PTCSC3: variants seen among roughly 807,000 people sequenced by gnomAD.
The protein encoded by PTCSC3 is papillary thyroid carcinoma susceptibility candidate 3, also known as papillary thyroid carcinoma susceptibility candidate 3 (non-protein coding).
At chr14:36,136,469 T>C (rs1881289836) in intron 3 of PTCSC3, 1 of 152,170 alleles carries the variant, frequency 6.6e-6, no homozygotes, top group Non-Finnish European at 1.5e-5. Flanking sequence ...TATCTAGGAT[T>C]AATAAGAGGT....
chr14:36,161,552 G>C (rs1043590500), intron 2 of PTCSC3, among the ~76,000 whole-genome samples: 2 of 152,152 alleles, frequency 1.3e-5, no homozygotes, highest in African/African-American at 2.4e-5. Context: ...TCCAGTAGAG[G>C]CTACAGAACA....
chr14:36,169,952 A>T (rs1882163394), intron 1 of PTCSC3, among the ~76,000 whole-genome samples: 1 of 152,178 alleles, frequency 6.6e-6, no homozygotes, highest in African/African-American at 2.4e-5. Context: ...TAATAGAGAC[A>T]TGCAAAAAAT....
intron 3 of PTCSC3, among the ~76,000 whole-genome samples, chr14:36,139,253 T>C (rs1881366393): frequency 6.6e-6 from 1 of 151,946 alleles, no homozygotes; most frequent in Admixed American, 6.6e-5. Context: ...CCATGCAATG[T>C]AATACTGAGC....
chr14:36,137,265 AACG>A (rs1342513463), intron 3 of PTCSC3, among the ~76,000 whole-genome samples: 1 of 152,112 alleles, frequency 6.6e-6, no homozygotes, highest in African/African-American at 2.4e-5. Flanking sequence ...TAGGTACAAC[AACG>A]AGGCCAGTGT....
intron 3 of PTCSC3, among the ~76,000 whole-genome samples, chr14:36,148,353 TATA>T (rs909082974): frequency 6.6e-6 from 1 of 152,158 alleles, no homozygotes; most frequent in Non-Finnish European, 1.5e-5. Context: ...AGGTGTGGGA[TATA>T]ATGTCGTGGT....
chr14:36,156,596 T>A (rs1322759398), intron 2 of PTCSC3, among the ~76,000 whole-genome samples: 1 of 152,084 alleles, frequency 6.6e-6, no homozygotes, highest in Non-Finnish European at 1.5e-5. Flanking sequence ...CAGTGTGTGA[T>A]GTTTCCCCTC....
intron 2 of PTCSC3, among the ~76,000 whole-genome samples, chr14:36,159,968 C>T (rs954633228): frequency 1.3e-5 from 2 of 152,138 alleles, no homozygotes; most frequent in Admixed American, 6.5e-5. Context: ...GATCCCTTTA[C>T]CATTATGTAA....
chr14:36,154,575 GT>G (rs2139100418), intron 2 of PTCSC3, among the ~76,000 whole-genome samples: 1 of 152,284 alleles, frequency 6.6e-6, no homozygotes, highest in East Asian at 1.9e-4. Context: ...TGAAAGATGG[GT>G]TGGGGAGAGG....
chr14:36,149,225 G>T (rs1346091257), intron 3 of PTCSC3, among the ~76,000 whole-genome samples: 2 of 151,722 alleles, frequency 1.3e-5, no homozygotes, highest in African/African-American at 4.8e-5. Context: ...TAATTTTCTT[G>T]AAACTTCTTC....
chr14:36,166,884 G>T (rs533886199), intron 1 of PTCSC3, among the ~76,000 whole-genome samples: 5 of 152,288 alleles, frequency 3.3e-5, no homozygotes, highest in African/African-American at 1.2e-4. Context: ...AAGGTTAAAA[G>T]TGCAGTTCTC....
chr14:36,141,759 T>G (rs1242166337), intron 3 of PTCSC3, among the ~76,000 whole-genome samples: 1 of 152,182 alleles, frequency 6.6e-6, no homozygotes, highest in Non-Finnish European at 1.5e-5. Context: ...TTTATACATT[T>G]TATCAGATTT....
At chr14:36,154,164 G>C (rs1202557636) in intron 2 of PTCSC3, among the ~76,000 whole-genome samples, 3 of 151,962 alleles carry the variant, frequency 2.0e-5, no homozygotes, top group Admixed American at 2.0e-4. Flanking sequence ...TTAAAACACA[G>C]GCACAAATAG....
intron 3 of PTCSC3, among the ~76,000 whole-genome samples, chr14:36,145,277 A>C (rs1881533067): frequency 6.6e-6 from 1 of 150,732 alleles, no homozygotes; most frequent in Non-Finnish European, 1.5e-5. Flanking sequence ...TCGGCTGTGA[A>C]TCCATCTGGT....
At chr14:36,175,970 A>G (rs1289661217) in intron 1 of PTCSC3, among the ~76,000 whole-genome samples, 1 of 152,204 alleles carries the variant, frequency 6.6e-6, no homozygotes, top group Non-Finnish European at 1.5e-5. Context: ...TATTAAATTC[A>G]TGTAGAAAGA....
At chr14:36,155,925 G>T (rs1046484379) in intron 2 of PTCSC3, among the ~76,000 whole-genome samples, 1 of 152,060 alleles carries the variant, frequency 6.6e-6, no homozygotes, top group Non-Finnish European at 1.5e-5. Context: ...ATATAGACTG[G>T]ACTTTCACAT....
downstream of PTCSC3, chr14:36,136,045 T>C (rs1348180941): frequency 6.6e-6 from 1 of 152,156 alleles, no homozygotes; most frequent in Non-Finnish European, 1.5e-5. Flanking sequence ...ACTGAAAAAC[T>C]TGGAGTCTGA....
At chr14:36,150,212 C>G (rs903766831) in intron 3 of PTCSC3, among the ~76,000 whole-genome samples, 3 of 152,076 alleles carry the variant, frequency 2.0e-5, no homozygotes, top group African/African-American at 7.2e-5. Flanking sequence ...TGAAATGCTA[C>G]CCTCCAAGAT....
At chr14:36,176,233 G>T (rs1223986295) in intron 1 of PTCSC3, 2 of 152,076 alleles carry the variant, frequency 1.3e-5, no homozygotes, top group Admixed American at 1.3e-4. Context: ...GAGCTAAGGA[G>T]GCTACAACCC....
At chr14:36,168,836 G>A (rs936650374) in intron 1 of PTCSC3, among the ~76,000 whole-genome samples, 11 of 152,034 alleles carry the variant, frequency 7.2e-5, no homozygotes, top group Non-Finnish European at 1.0e-4. Context: ...GCCCAAGTTG[G>A]TCTCAAACTC....
Sources: allele counts gnomAD v4.1 joint callset (sites outside exome capture counted in the v4.1 genomes callset), GRCh38; gene constraint gnomAD v4.1.1; transcripts MANE v1.5; gene names NCBI Gene and HGNC (gene_info 2026-07-23, HGNC 2026-07-21).